TMEM82: variants seen among roughly 807,000 people sequenced by gnomAD.
TMEM82 encodes the protein transmembrane protein 82.
In TMEM82, 30 loss-of-function variants were observed where a neutral mutation model predicts 29.2. The observed-to-expected ratio is 1.03, with a 90% CI of 0.77 to 1.39. The LOEUF (loss-of-function observed/expected upper bound fraction) is 1.39, where lower values mean the gene tolerates loss of function less well. Ranked by LOEUF, TMEM82 falls within the 40% of genes most tolerant of loss-of-function variation. The pLI is 0.00. For missense variants in TMEM82, 442 were observed against 447.7 expected (o/e 0.99, Z 0.12); for synonymous variants, 221 against 225.4 (o/e 0.98, Z 0.18).
At position 15,744,323 on chromosome 1, in the gene TMEM82, C is replaced by T. The variant is rs1263451228; in HGVS notation, c.500C>T (p.Ala167Val). ...CTGGCCACGCTGCTGGGCCTGGGTG[C>T]CCGGCGCCTCCACCGCCACGTCTGC... ...LGLATLLGLG[A>V]RRLHRHVCRL... is the part of the protein sequence containing the mutation. Residue 167 changes from alanine to valine, a missense_variant, in exon 4 of 6, where the codon GCC (alanine) becomes GTC (valine). Transcript: ENST00000375782. The surrounding 1 kb of genome is among the most constrained non-coding windows in gnomAD (Gnocchi z 5.2). 1 of 1,542,866 alleles carries T rather than the reference C, an allele frequency of 6.5e-7. No homozygotes were observed. Among genetic ancestry groups the T allele is most frequent in the Middle Eastern group, 1.8e-4 (1 of 5,658 alleles).
At chr1:15,743,270 C>G (rs2068306637) in intron 3 of TMEM82, 76 bp downstream of exon 3, 4 of 1,451,414 alleles carry the variant, frequency 2.8e-6, no homozygotes, top group Non-Finnish European at 3.7e-6. Flanking sequence ...ATGTGGGCAG[C>G]AGGGCCCAGG....
chr1:15,742,778 G>A, intron 1 of TMEM82, 57 bp from the exon 2 acceptor site: 4 of 1,569,256 alleles, frequency 2.5e-6, no homozygotes, highest in Non-Finnish European at 3.5e-6. Flanking sequence ...TACCAATGAA[G>A]CCTGCCCTCC....
Position 15,744,968 on chromosome 1 carries a change from T to C in TMEM82, c.757+388T>C, listed in dbSNP as rs2068324212. Among the ~76,000 whole-genome samples the C allele has an allele frequency of 6.6e-6, 1 of 152,182 alleles. No homozygotes were observed. Among genetic ancestry groups the C allele is most frequent in the Admixed American group, 6.5e-5 (1 of 15,282 alleles). On this transcript the variant is annotated intron_variant, in intron 4 of 5. Transcript: ENST00000375782. The surrounding 1 kb of genome is among the most constrained non-coding windows in gnomAD (Gnocchi z 5.2). ...GAGGCTGGCCAGGTTCGAAGGGGCC[T>C]GTTGGAGAGCCCTCAACAGCCAGGC...
At chr1:15,745,525 AAGAGAGAAAGAG>A (rs1039791738) in intron 4 of TMEM82, among the ~76,000 whole-genome samples, 3 of 114,458 alleles carry the variant, frequency 2.6e-5, no homozygotes, top group South Asian at 2.6e-4. Flanking sequence ...GAAAGAAAGA[AAGAGAGAAAGAG>A]AGAGAGAAAG....
intron 5 of TMEM82, among the ~76,000 whole-genome samples, chr1:15,747,306 A>G (rs1005770445): frequency 6.7e-5 from 10 of 150,060 alleles, no homozygotes; most frequent in African/African-American, 2.2e-4. Context: ...AAAAAAAAAG[A>G]CAGAGCCAGG....
rs565042552 is a variant in TMEM82, at chr1:15,744,381, C to T, written c.558C>T (p.Tyr186=). 22 of 1,566,448 alleles carry T rather than the reference C, an allele frequency of 1.4e-5. No individual in the cohort carries two copies. In the South Asian group the frequency reaches 2.6e-4, roughly 18 times the overall value. ...RLYELHSSQR[Y]CGVCLGLLAH... ...ACGAGCTGCACAGCAGCCAGCGCTA[C>T]TGTGGGGTGTGCCTGGGCCTGCTGG... Residue 186 remains tyrosine, a synonymous_variant, in exon 4 of 6, where the codon TAC becomes TAT. Transcript: ENST00000375782. This position sits in a 1 kb window ranked among gnomAD's most constrained non-coding sequence, Gnocchi z 5.2.
chr1:15,747,901 G>C lies in TMEM82; in HGVS notation c.*269G>C, dbSNP rs1188883842. 1 of 400,408 alleles carries C rather than the reference G, an allele frequency of 2.5e-6. No individual in the cohort carries two copies. The highest frequency in any genetic ancestry group is 2.1e-5 in the African/African-American group (1 of 48,626). 24.8% of individuals were successfully genotyped at this position (400,408 alleles called of 1,614,324 possible). A position where few individuals can be genotyped will look rare whatever the true frequency, so the allele number is the denominator to read the frequency against. On this transcript the variant is annotated 3_prime_UTR_variant, in exon 6 of 6. Transcript: ENST00000375782. ...CAGACCTGCCTTCCTGGGCAGGGGT[G>C]GGGGTGCATCCTCAGGAGGGCTCCC...
intron 3 of TMEM82, among the ~76,000 whole-genome samples, chr1:15,743,826 A>G (rs1189448555): frequency 1.3e-5 from 2 of 152,054 alleles, no homozygotes; most frequent in African/African-American, 4.8e-5. Flanking sequence ...TTAGCTGGGC[A>G]TGGTGGCGGG....
At position 15,744,507 on chromosome 1, in the gene TMEM82, G is replaced by A. The variant is rs2148395106; in HGVS notation, c.684G>A (p.Leu228=). Residue 228 remains leucine (L), a synonymous_variant, in exon 4 of 6, where the codon CTG becomes CTA. Transcript: ENST00000375782. The surrounding 1 kb of genome is among the most constrained non-coding windows in gnomAD (Gnocchi z 5.2). ...AAVALINQDF[L]TTSEAMRFWT... ...TGGCCCTCATCAACCAGGACTTCCT[G>A]ACCACCTCGGAGGCCATGCGGTTCT... The A allele has an allele frequency of 6.2e-7, 1 of 1,612,514 alleles. No individual in the cohort carries two copies. The highest frequency in any genetic ancestry group is 1.3e-5 in the African/African-American group (1 of 75,064).
rs768046849 is a variant in TMEM82 at position 15,744,269 on chromosome 1, G to T, written c.446G>T (p.Arg149Leu). The change falls in exon 4 of 6, where the codon CGC becomes CTC. Residue 149 changes from arginine (R) to leucine (L), a missense_variant. Arg to Leu is a moderately radical substitution (Grantham distance 102, BLOSUM62 -2). Coordinates refer to ENST00000375782, the MANE Select transcript of TMEM82 (RefSeq NM_001013641.3). This position sits in a 1 kb window ranked among gnomAD's most constrained non-coding sequence, Gnocchi z 5.2. ...TTCCTGCAGGAGGGCGCCCCTCACC[G>T]CACGCTGAACCTGCTGCTGAGCCTC... The part of the protein sequence containing the change: ...LSFLQEGAPH[R>L]TLNLLLSLGL... 3.8e-6 allele frequency: 6 copies of T among 1,563,398 alleles called. No homozygotes were observed. Among genetic ancestry groups the T allele is most frequent in the African/African-American group, 1.3e-5 (1 of 74,152 alleles).
Position 15,747,030 on chromosome 1 carries a change from C to T in TMEM82, c.921C>T (p.Thr307=), listed in dbSNP as rs114267265. 37,242 of 1,609,640 alleles carry T rather than the reference C, an allele frequency of 0.023. 531 individuals carry two copies. The highest frequency in any genetic ancestry group is 0.027 in the Non-Finnish European group (31,596 of 1,178,974). ...TCTGGTGTCTCGTGGGCGTCCGCAC[C>T]CTGCTTGACCTCTGCCAGATACAGG... ...GELWCLVGVR[T]LLDLCQIQDF... is the part of the protein sequence containing the mutation. The change falls in exon 5 of 6, where the codon ACC becomes ACT. Residue 307 remains threonine (T), a synonymous_variant. Transcript: ENST00000375782.
chr1:15,744,477 A>G lies in TMEM82; in HGVS notation c.654A>G (p.Ala218=), dbSNP rs781745312. Residue 218 remains alanine, a synonymous_variant, in exon 4 of 6, where the codon GCA becomes GCG. Coordinates refer to ENST00000375782, the MANE Select transcript of TMEM82 (RefSeq NM_001013641.3). The surrounding 1 kb of genome is among the most constrained non-coding windows in gnomAD (Gnocchi z 5.2). Reference sequence around the variant, plus strand: ...TAGCCTTTGCCGTGGGTGACCTGGCAGCTGTGGCCCTCATCAACCAGGACT... The same window carrying G: ...TAGCCTTTGCCGTGGGTGACCTGGCGGCTGTGGCCCTCATCAACCAGGACT... ...LAIAFAVGDL[A]AVALINQDFL... The G allele has an allele frequency of 1.9e-5, 30 of 1,610,890 alleles. No homozygotes were observed. The East Asian group carries it at 6.7e-4, about 36-fold the overall frequency.
intron 5 of TMEM82, 42 bp downstream of exon 5, chr1:15,747,096 T>A: frequency 6.3e-7 from 1 of 1,580,992 alleles, no homozygotes; most frequent in East Asian, 2.3e-5. Flanking sequence ...CAATGAACCC[T>A]GCTTCAAACA....
chr1:15,743,616 C>T (rs1235030744), intron 3 of TMEM82, among the ~76,000 whole-genome samples: 1 of 152,208 alleles, frequency 6.6e-6, no homozygotes, highest in African/African-American at 2.4e-5. Flanking sequence ...CTCTGAGACT[C>T]TGAACCACCA....
rs138542533 is a variant in TMEM82, at chr1:15,744,520, G to A, written c.697G>A (p.Ala233Thr). 9.8e-4 allele frequency: 1,581 copies of A among 1,612,530 alleles called. 9 individuals carry two copies. In the African/African-American group the frequency reaches 0.017, roughly 18 times the overall value. The change falls in exon 4 of 6, where the codon GCC (alanine) becomes ACC (threonine). Residue 233 changes from alanine (A) to threonine (T), a missense_variant. By Grantham distance (58) the Ala-to-Thr change is moderately conservative. Coordinates refer to ENST00000375782, the MANE Select transcript of TMEM82 (RefSeq NM_001013641.3). This position sits in a 1 kb window ranked among gnomAD's most constrained non-coding sequence, Gnocchi z 5.2. ...INQDFLTTSE[A>T]MRFWTPLTIC... ...CCAGGACTTCCTGACCACCTCGGAGGCCATGCGGTTCTGGACACCGCTCAC... is the reference window on the plus strand; with the variant it reads ...CCAGGACTTCCTGACCACCTCGGAGACCATGCGGTTCTGGACACCGCTCAC...
chr1:15,746,802 C>A, intron 4 of TMEM82, 65 bp from the exon 5 acceptor site: 1 of 1,407,470 alleles, frequency 7.1e-7, no homozygotes, highest in Non-Finnish European at 9.6e-7. Context: ...GAGGGTGGGT[C>A]AGGGAGCAGG....
At chr1:15,745,930 G>A (rs2068331941) in intron 4 of TMEM82, among the ~76,000 whole-genome samples, 1 of 149,400 alleles carries the variant, frequency 6.7e-6, no homozygotes, top group South Asian at 2.1e-4. Context: ...TTGCCATGTT[G>A]CCCAGGCTGG....
In TMEM82 at chr1:15,742,608, C is replaced by G. The variant is rs770833105; in HGVS notation, c.49C>G (p.Leu17Val). Residue 17 changes from leucine (L) to valine (V), a missense_variant, in exon 1 of 6, where the codon CTC (leucine) becomes GTC (valine). Physicochemically the swap from Leu to Val is conservative, Grantham distance 32. Coordinates refer to ENST00000375782, the MANE Select transcript of TMEM82 (RefSeq NM_001013641.3). The part of the protein sequence containing the change: ...LPSWLPGLPS[L>V]EWGSSLLDSL... ...CTCCTGGCTCCCCGGCCTCCCCTCC[C>G]TCGAGTGGGGCTCTAGCCTCCTTGA... The G allele has an allele frequency of 3.7e-6, 6 of 1,608,564 alleles. No homozygotes were observed. The highest frequency in any genetic ancestry group is 3.4e-5 in the Admixed American group (2 of 59,618).
At position 15,744,633 on chromosome 1, in the gene TMEM82, G is replaced by A. The variant is rs2068321370; in HGVS notation, c.757+53G>A. The stretch of plus-strand genomic sequence containing the variant: ...AATCCACGCACATCCCTCTGTCTGG[G>A]TCAGGCTCCGGGGAGGCCGAGAGCC... On this transcript the variant is annotated intron_variant, in intron 4 of 5. Coordinates refer to ENST00000375782, the MANE Select transcript of TMEM82 (RefSeq NM_001013641.3). The surrounding 1 kb of genome is among the most constrained non-coding windows in gnomAD (Gnocchi z 5.2). 3.3e-6 allele frequency: 5 copies of A among 1,519,610 alleles called. No individual in the cohort carries two copies. The East Asian group carries it at 9.3e-5, about 28-fold the overall frequency. The allele number at this position is 1,519,610 out of a possible 1,614,324, so 94.1% of individuals were successfully genotyped here.
Sources: allele counts gnomAD v4.1 joint callset (sites outside exome capture counted in the v4.1 genomes callset), GRCh38; gene constraint gnomAD v4.1.1; non-coding constraint Gnocchi (gnomAD v3.1); transcripts MANE v1.5; gene names NCBI Gene and HGNC (gene_info 2026-07-23, HGNC 2026-07-21).